ALDH1A2: variants seen among roughly 807,000 people sequenced by gnomAD.
The protein encoded by ALDH1A2 is aldehyde dehydrogenase 1 family member A2.
A neutral mutation model predicts 60.3 loss-of-function variants in ALDH1A2; 27 were observed. The ratio of observed to expected loss-of-function variants is 0.45; its 90% CI spans 0.33 to 0.62. ALDH1A2 has a LOEUF of 0.62. Ranked by LOEUF, ALDH1A2 falls within the 20% of genes least tolerant of loss-of-function variation. The probability of loss-of-function intolerance (pLI) is 0.02; values close to 1 mark genes in which losing one functional copy is unlikely to be tolerated. For synonymous variants in ALDH1A2, 289 were observed against 232.4 expected (o/e 1.24, Z -2.21); for missense variants, 581 against 643.8 (o/e 0.90, Z 1.06).
At chr15:57,968,483 A>C (rs879443726) in intron 7 of ALDH1A2, among the ~76,000 whole-genome samples, 3 of 152,040 alleles carry the variant, frequency 2.0e-5, no homozygotes, top group Non-Finnish European at 2.9e-5. Flanking sequence ...GCATTCTGTC[A>C]TTTTTCTGTT....
intron 7 of ALDH1A2, among the ~76,000 whole-genome samples, chr15:57,981,015 C>CTG (rs1186542323): frequency 6.6e-6 from 1 of 152,030 alleles, no homozygotes; most frequent in African/African-American, 2.4e-5. Context: ...TTTAGTCTTA[C>CTG]AGTATTCTCT....
intron 7 of ALDH1A2, among the ~76,000 whole-genome samples, chr15:57,977,321 C>A (rs561334440): frequency 1.3e-5 from 2 of 152,230 alleles, no homozygotes; most frequent in East Asian, 3.9e-4. Flanking sequence ...CTTGCCCATG[C>A]CTATGTCCTG....
intron 1 of ALDH1A2, among the ~76,000 whole-genome samples, chr15:58,031,464 T>C (rs1156865742): frequency 6.6e-6 from 1 of 152,074 alleles, no homozygotes; most frequent in Non-Finnish European, 1.5e-5. Flanking sequence ...GGAAAAGACT[T>C]CATGACTAAA....
chr15:57,986,700 C>G (rs1047148501), intron 7 of ALDH1A2, among the ~76,000 whole-genome samples: 4 of 151,620 alleles, frequency 2.6e-5, no homozygotes, highest in Admixed American at 1.3e-4. Flanking sequence ...TAGATGGAGT[C>G]TCACTCCCGT....
chr15:57,954,917 CAGA>C lies in ALDH1A2; in HGVS notation c.*277_*279del, dbSNP rs1167819372. On this transcript the variant is annotated 3_prime_UTR_variant, in exon 13 of 13. Coordinates refer to ENST00000249750, the MANE Select transcript of ALDH1A2 (RefSeq NM_003888.4). ...AGCTCCCTTATTTCATCCTGTGCTC[CAGA>C]AGGAGATACTGGATGTGTCTGCTAG... The C allele has an allele frequency of 1.1e-5, 6 of 523,660 alleles. No homozygotes were observed. In the Admixed American group the frequency reaches 1.9e-4, roughly 16 times the overall value. 32.4% of individuals were successfully genotyped at this position (523,660 alleles called of 1,614,324 possible).
intron 4 of ALDH1A2, among the ~76,000 whole-genome samples, chr15:58,009,477 C>T (rs1223128596): frequency 2.6e-5 from 4 of 151,712 alleles, no homozygotes; most frequent in South Asian, 2.1e-4. Context: ...AGAGACACTT[C>T]GAAGTCCTGA....
intron 1 of ALDH1A2, chr15:58,058,030 G>T: frequency 6.6e-7 from 1 of 1,515,928 alleles, no homozygotes. Flanking sequence ...GTTTTATTGG[G>T]GATTTTAACC....
intron 3 of ALDH1A2, chr15:58,011,973 T>C (rs868207722): frequency 2.6e-5 from 4 of 152,282 alleles, no homozygotes; most frequent in Non-Finnish European, 1.5e-5. Context: ...CCACTGACAA[T>C]TGCCAGCTCT....
chr15:57,971,183 G>T (rs1443938311), intron 7 of ALDH1A2, among the ~76,000 whole-genome samples: 1 of 152,184 alleles, frequency 6.6e-6, no homozygotes, highest in South Asian at 2.1e-4. Flanking sequence ...ACATGCCTGT[G>T]TGTCTTTGCA....
At chr15:58,016,747 A>G (rs1451614766) in intron 1 of ALDH1A2, among the ~76,000 whole-genome samples, 2 of 152,138 alleles carry the variant, frequency 1.3e-5, no homozygotes, top group East Asian at 1.9e-4. Flanking sequence ...TAATTGTGCT[A>G]AAAAACTAAA....
At chr15:57,957,264 T>C (rs1893559954) in intron 12 of ALDH1A2, among the ~76,000 whole-genome samples, 1 of 152,094 alleles carries the variant, frequency 6.6e-6, no homozygotes, top group Non-Finnish European at 1.5e-5. Flanking sequence ...CTCCAGCAGT[T>C]CCTGAACCTC....
intron 7 of ALDH1A2, among the ~76,000 whole-genome samples, chr15:57,970,663 G>A (rs1170205861): frequency 6.6e-6 from 1 of 152,044 alleles, no homozygotes; most frequent in Non-Finnish European, 1.5e-5. Context: ...AATTACTCAG[G>A]TGAGTTCCTA....
At chr15:57,966,641 G>A (rs1419252494) in intron 7 of ALDH1A2, among the ~76,000 whole-genome samples, 1 of 152,176 alleles carries the variant, frequency 6.6e-6, no homozygotes, top group East Asian at 1.9e-4. Context: ...CTTCCAAGTG[G>A]CCCATATCCA....
chr15:57,994,996 T>A (rs74017097), intron 5 of ALDH1A2, 82 bp downstream of exon 5: 3 of 1,327,856 alleles, frequency 2.3e-6, no homozygotes, highest in Non-Finnish European at 3.3e-6. Context: ...AAAACACACA[T>A]CGCTGAGGAC....
intron 1 of ALDH1A2, among the ~76,000 whole-genome samples, chr15:58,057,673 T>G (rs940594602): frequency 6.6e-6 from 1 of 152,180 alleles, no homozygotes; most frequent in African/African-American, 2.4e-5. Flanking sequence ...CTCATTCATC[T>G]CAAACATTTA....
intron 1 of ALDH1A2, among the ~76,000 whole-genome samples, chr15:58,016,736 C>T (rs1447636979): frequency 4.6e-5 from 7 of 151,876 alleles, no homozygotes; most frequent in Admixed American, 1.3e-4. Context: ...TCAATTATTT[C>T]TAATTGTGCT....
intron 1 of ALDH1A2, among the ~76,000 whole-genome samples, chr15:58,020,190 G>T (rs1032238058): frequency 6.6e-6 from 1 of 152,210 alleles, no homozygotes; most frequent in South Asian, 2.1e-4. Flanking sequence ...AGTATTCCAC[G>T]GTGTATATGT....
chr15:58,036,472 G>A (rs1896381042), intron 1 of ALDH1A2: 1 of 151,538 alleles, frequency 6.6e-6, no homozygotes, highest in South Asian at 2.1e-4. Flanking sequence ...ATGGCTCTTA[G>A]TTGAAATGCA....
At chr15:57,983,462 T>G (rs1411267342) in intron 7 of ALDH1A2, among the ~76,000 whole-genome samples, 1 of 152,212 alleles carries the variant, frequency 6.6e-6, no homozygotes, top group African/African-American at 2.4e-5. Flanking sequence ...AAGACAGCCT[T>G]AAATTCTTGC....
Sources: allele counts gnomAD v4.1 joint callset (sites outside exome capture counted in the v4.1 genomes callset), GRCh38; gene constraint gnomAD v4.1.1; transcripts MANE v1.5; gene names NCBI Gene and HGNC (gene_info 2026-07-23, HGNC 2026-07-21).